NEDD4L: variants seen among roughly 807,000 people sequenced by gnomAD.
NEDD4L encodes the protein NEDD4 like E3 ubiquitin protein ligase, also known as E3 ubiquitin-protein ligase NEDD4-like.
In NEDD4L, 54 loss-of-function variants were observed where a neutral mutation model predicts 148.9. The observed-to-expected ratio is 0.36, with a 90% CI of 0.29 to 0.45. NEDD4L has a LOEUF of 0.45. Ranked by LOEUF, NEDD4L falls within the 20% of genes least tolerant of loss-of-function variation. The pLI is 1.00. For synonymous variants in NEDD4L, 433 were observed against 440.7 expected, an observed-to-expected ratio of 0.98 and a Z score of 0.22; for missense variants, 856 against 1,233.8, an observed-to-expected ratio of 0.69 and a Z score of 4.59.
At chr18:58,158,328 A>C (rs756796423) in intron 1 of NEDD4L, among the ~76,000 whole-genome samples, 4 of 152,108 alleles carry the variant, frequency 2.6e-5, no homozygotes, top group Admixed American at 1.3e-4. Context: ...ACACACTGTC[A>C]CCTCTTCCAT....
chr18:58,384,670 A>G (rs1012426883), intron 25 of NEDD4L, among the ~76,000 whole-genome samples: 5 of 152,136 alleles, frequency 3.3e-5, no homozygotes, highest in African/African-American at 9.7e-5. Context: ...GAAATCACCA[A>G]CTGCTCCCTG....
chr18:58,322,609 G>A (rs2058913605), intron 7 of NEDD4L, 123 bp downstream of exon 7: 1 of 459,972 alleles, frequency 2.2e-6, no homozygotes, highest in East Asian at 4.8e-5. Flanking sequence ...GCTTGCTGTG[G>A]TGTGGGTGGG....
chr18:58,263,088 A>G (rs995102120), intron 5 of NEDD4L, among the ~76,000 whole-genome samples: 1 of 152,174 alleles, frequency 6.6e-6, no homozygotes, highest in Non-Finnish European at 1.5e-5. Context: ...TTGAGCTGGA[A>G]GGGGGCCCTC....
At chr18:58,082,102 A>ATATATATATATTTTTT in intron 1 of NEDD4L, among the ~76,000 whole-genome samples, 13 of 48,830 alleles carry the variant, frequency 2.7e-4, no homozygotes, top group Non-Finnish European at 3.1e-4. Flanking sequence ...ATATATATAT[A>ATATATATATATTTTTT]TTTTTTTTTT....
intron 1 of NEDD4L, among the ~76,000 whole-genome samples, chr18:58,091,979 A>T (rs4941312): frequency 0.082 from 12,538 of 152,236 alleles, 619 homozygotes; most frequent in Admixed American, 0.15. Context: ...TTTGTAAGGG[A>T]TGTCACATTG....
chr18:58,123,856 C>T (rs1394696541), intron 1 of NEDD4L, among the ~76,000 whole-genome samples: 1 of 152,128 alleles, frequency 6.6e-6, no homozygotes, highest in Admixed American at 6.5e-5. Flanking sequence ...TCACTCAGGC[C>T]CCTTGCCACT....
At chr18:58,229,509 C>A (rs2044810572) in intron 2 of NEDD4L, among the ~76,000 whole-genome samples, 1 of 152,114 alleles carries the variant, frequency 6.6e-6, no homozygotes, top group Non-Finnish European at 1.5e-5. Flanking sequence ...TCGCTGTATC[C>A]CCAAGTGGCA....
intron 12 of NEDD4L, among the ~76,000 whole-genome samples, chr18:58,334,277 C>T (rs747793336): frequency 5.9e-5 from 9 of 152,202 alleles, no homozygotes; most frequent in Non-Finnish European, 1.0e-4. Flanking sequence ...TCTGGGCGAC[C>T]GTCCACATGT....
At chr18:58,189,031 T>C (rs1251954467) in intron 2 of NEDD4L, among the ~76,000 whole-genome samples, 2 of 152,126 alleles carry the variant, frequency 1.3e-5, no homozygotes, top group Non-Finnish European at 2.9e-5. Flanking sequence ...ACCGTGGGCT[T>C]TGTGATCCCC....
chr18:58,219,841 A>G (rs2043544194), intron 2 of NEDD4L, among the ~76,000 whole-genome samples: 1 of 152,250 alleles, frequency 6.6e-6, no homozygotes, highest in Non-Finnish European at 1.5e-5. Context: ...GGACGTGTAG[A>G]TGCTTTTTAT....
intron 24 of NEDD4L, among the ~76,000 whole-genome samples, chr18:58,379,046 C>G (rs2146544446): frequency 6.6e-6 from 1 of 152,350 alleles, no homozygotes; most frequent in South Asian, 2.1e-4. Flanking sequence ...CATTGTGTTC[C>G]TTGTGTGGGG....
chr18:58,271,437 A>T (rs1023422567), intron 5 of NEDD4L, among the ~76,000 whole-genome samples: 2 of 152,186 alleles, frequency 1.3e-5, no homozygotes, highest in African/African-American at 4.8e-5. Flanking sequence ...TTAAAGGCCA[A>T]ACCAAGATCA....
At chr18:58,222,009 C>T (rs976313866) in intron 2 of NEDD4L, among the ~76,000 whole-genome samples, 1 of 152,052 alleles carries the variant, frequency 6.6e-6, no homozygotes, top group Non-Finnish European at 1.5e-5. Flanking sequence ...AATTCTGGTC[C>T]CCTGTTCTTT....
At position 58,191,439 on chromosome 18, in the gene NEDD4L, G is replaced by T. The variant is rs925070438; in HGVS notation, c.122+25578G>T. On this transcript the variant is annotated intron_variant, in intron 2 of 30. Transcript: ENST00000400345. ...CTCTGAGATCAAGGGCCTGGCTTTT[G>T]ATGGCCCCTATTTCAGAATCCAGAG... 5.9e-5 allele frequency among the ~76,000 whole-genome samples: 9 copies of T among 152,304 alleles called. No homozygotes were observed. In the East Asian group the frequency reaches 1.7e-3, roughly 29 times the overall value.
In NEDD4L at chr18:58,103,017, A is replaced by T. The variant is rs866122011; in HGVS notation, c.48+58309A>T. 2.6e-5 allele frequency among the ~76,000 whole-genome samples: 4 copies of T among 152,058 alleles called. No homozygotes were observed. In the South Asian group the frequency reaches 8.3e-4, roughly 32 times the overall value. On this transcript the variant is annotated intron_variant, in intron 1 of 30. Coordinates refer to ENST00000400345, the MANE Select transcript of NEDD4L (RefSeq NM_001144967.3). ...TTTCTAAGATCACGGCTGGCTTATT[A>T]TCTGTGCTGGCTTATCATGACAGTG... is the stretch of plus-strand genomic sequence containing the variant.
Position 58,369,793 on chromosome 18 carries a change from C to T in NEDD4L, c.2186-604C>T, listed in dbSNP as rs1240868146. ...GGGAGGCCGACCTCGCTGCTGTTGC[C>T]TCCCTGAGGCCTCTGCCGTCCCTCC... On this transcript the variant is annotated intron_variant, in intron 22 of 30. Coordinates refer to ENST00000400345, the MANE Select transcript of NEDD4L (RefSeq NM_001144967.3). Among the ~76,000 whole-genome samples, 6 of 152,346 alleles carry T rather than the reference C, an allele frequency of 3.9e-5. No individual in the cohort carries two copies. In the South Asian group the frequency reaches 8.3e-4, roughly 21 times the overall value.
At chr18:58,372,972 C>T in intron 23 of NEDD4L, 1 of 511,292 alleles carries the variant, frequency 2.0e-6, no homozygotes, top group Admixed American at 3.1e-5. Context: ...GATTTAACTG[C>T]AAGCTCATTA....
chr18:58,331,059 A>C (rs971231410), intron 11 of NEDD4L, 145 bp downstream of exon 11: 1 of 745,922 alleles, frequency 1.3e-6, no homozygotes, highest in Admixed American at 2.7e-5. Context: ...CTCCTTCCCT[A>C]GGAGAAGCAG....
chr18:58,377,390 CCTT>C (rs2047704323), intron 24 of NEDD4L, among the ~76,000 whole-genome samples: 2 of 152,048 alleles, frequency 1.3e-5, no homozygotes, highest in South Asian at 2.1e-4. Flanking sequence ...GGTGTTTCAA[CCTT>C]CTTTTTTTTT....
Sources: allele counts gnomAD v4.1 joint callset (sites outside exome capture counted in the v4.1 genomes callset), GRCh38; gene constraint gnomAD v4.1.1; transcripts MANE v1.5; gene names NCBI Gene and HGNC (gene_info 2026-07-23, HGNC 2026-07-21).